The following MBNL2 variants were observed in gnomAD, a reference collection of about 807,000 sequenced individuals.
The protein encoded by MBNL2 is muscleblind like splicing regulator 2.
A neutral mutation model predicts 41.9 loss-of-function variants in MBNL2; 17 were observed. The observed-to-expected ratio is 0.41, with a 90% confidence interval of 0.28 to 0.61. The LOEUF (loss-of-function observed/expected upper bound fraction) is 0.61, where lower values mean the gene tolerates loss of function less well. Ranked by LOEUF, MBNL2 falls within the 20% of genes least tolerant of loss-of-function variation. The pLI is 0.35. For synonymous variants in MBNL2, 195 were observed against 182.9 expected, an observed-to-expected ratio of 1.07 and a Z score of -0.53; for missense variants, 336 against 505.6, an observed-to-expected ratio of 0.66 and a Z score of 3.22.
chr13:97,298,848 CT>C lies in MBNL2; in HGVS notation c.174+22441del, dbSNP rs1305131407. On this transcript the variant is annotated intron_variant, in intron 2 of 8. Coordinates refer to ENST00000679496, the MANE Select transcript of MBNL2 (RefSeq NM_001382683.1). ...ACACGGCATTAAGGATTGCTTGTCC[CT>C]TGCAGCTGCAGTGGGCCTTCTGCTA... 3.3e-5 allele frequency among the ~76,000 whole-genome samples: 5 copies of C among 152,284 alleles called. No homozygotes were observed. The South Asian group carries it at 6.2e-4, about 19-fold the overall frequency.
At chr13:97,246,449 CAT>C (rs1332545240) in intron 1 of MBNL2, among the ~76,000 whole-genome samples, 6 of 152,104 alleles carry the variant, frequency 3.9e-5, no homozygotes, top group Non-Finnish European at 7.4e-5. Flanking sequence ...GAAAATTTTA[CAT>C]GAGGATAAAG....
Position 97,266,469 on chromosome 13 carries a change from C to T in MBNL2, c.-604-9163C>T, listed in dbSNP as rs987358120. Among the ~76,000 whole-genome samples the T allele has an allele frequency of 4.6e-5, 7 of 152,292 alleles. No individual in the cohort carries two copies. The East Asian group carries it at 1.2e-3, about 25-fold the overall frequency. ...AGGCCCCAGTTAGGAGCCTCTTCTC[C>T]GAGGCTGTGATTACAGGGCAGTCTT... On this transcript the variant is annotated intron_variant, in intron 1 of 8. Transcript: ENST00000679496.
At chr13:97,175,292 A>G in the MBNL2 span, among the ~76,000 whole-genome samples, 1 of 151,854 alleles carries the variant, frequency 6.6e-6, no homozygotes, top group African/African-American at 2.4e-5. Context: ...ACCCACTCCT[A>G]CTTCTTCCCC....
At chr13:97,307,850 G>T (rs1226175072) in intron 2 of MBNL2, among the ~76,000 whole-genome samples, 1 of 152,150 alleles carries the variant, frequency 6.6e-6, no homozygotes, top group Non-Finnish European at 1.5e-5. Flanking sequence ...CTCCTCGAGG[G>T]CACGGATCGT....
At chr13:97,257,373 C>T (rs2047756701) in intron 1 of MBNL2, among the ~76,000 whole-genome samples, 1 of 151,960 alleles carries the variant, frequency 6.6e-6, no homozygotes, top group African/African-American at 2.4e-5. Flanking sequence ...ACAGGTTAGG[C>T]CAGGTTATTA....
intron 8 of MBNL2, among the ~76,000 whole-genome samples, chr13:97,378,196 A>G (rs1203427685): frequency 1.3e-5 from 2 of 152,230 alleles, no homozygotes; most frequent in Non-Finnish European, 2.9e-5. Flanking sequence ...AAATGTTATT[A>G]TGTAATAACA....
chr13:97,212,589 T>G, the MBNL2 span, among the ~76,000 whole-genome samples: 2 of 152,204 alleles, frequency 1.3e-5, no homozygotes, highest in Non-Finnish European at 2.9e-5. Flanking sequence ...CCAGCCTGCC[T>G]GGGGCAAATG....
At chr13:97,149,143 G>A in the MBNL2 span, among the ~76,000 whole-genome samples, 62 of 152,302 alleles carry the variant, frequency 4.1e-4, 1 homozygote, top group African/African-American at 1.5e-3. Context: ...AAACAGAGGG[G>A]AGAGAAAGTG....
At chr13:97,238,015 C>T (rs962995572) in intron 1 of MBNL2, among the ~76,000 whole-genome samples, 2 of 152,054 alleles carry the variant, frequency 1.3e-5, no homozygotes, top group African/African-American at 4.8e-5. Flanking sequence ...GACCTGGACA[C>T]GATCAGCTTA....
At chr13:97,228,942 AAT>A (rs2042027458) in intron 1 of MBNL2, among the ~76,000 whole-genome samples, 1 of 151,794 alleles carries the variant, frequency 6.6e-6, no homozygotes, top group South Asian at 2.1e-4. Flanking sequence ...CAAAAGTAGA[AAT>A]AGTAGTCCTC....
chr13:97,195,237 G>A, the MBNL2 span, among the ~76,000 whole-genome samples: 1 of 152,228 alleles, frequency 6.6e-6, no homozygotes, highest in African/African-American at 2.4e-5. Flanking sequence ...CCTGTGCCTT[G>A]TTCTCGAGAA....
At position 97,356,826 on chromosome 13, in the gene MBNL2, C is replaced by T; in HGVS notation, c.835C>T (p.Pro279Ser). ...TQSTAKAMKR[P>S]LEATVDLAFP... is the part of the protein sequence containing the mutation. ...GTCGACTGCCAAAGCAATGAAGCGA[C>T]CTCTCGAAGCAACTGTAGACCTGGT... is the stretch of plus-strand genomic sequence containing the variant. The change falls in exon 6 of 9, where the codon CCT becomes TCT. Residue 279 changes from proline (P) to serine (S), a missense_variant. Pro to Ser is a moderately conservative substitution (Grantham distance 74). Coordinates refer to ENST00000679496, the MANE Select transcript of MBNL2 (RefSeq NM_001382683.1). 8 of 1,363,080 alleles carry T rather than the reference C, an allele frequency of 5.9e-6. No individual in the cohort carries two copies. The highest frequency in any genetic ancestry group is 7.9e-6 in the Non-Finnish European group (8 of 1,018,152). 84.4% of individuals were successfully genotyped at this position (1,363,080 alleles called of 1,614,324 possible).
At chr13:97,176,272 T>C in the MBNL2 span, among the ~76,000 whole-genome samples, 1 of 152,164 alleles carries the variant, frequency 6.6e-6, no homozygotes, top group Non-Finnish European at 1.5e-5. Flanking sequence ...TGAGGGTGAT[T>C]GATCAAGGAG....
chr13:97,203,358 C>G, the MBNL2 span, among the ~76,000 whole-genome samples: 1 of 152,062 alleles, frequency 6.6e-6, no homozygotes, highest in East Asian at 1.9e-4. Context: ...TGAATAGAGG[C>G]GCAAGTCTTT....
intron 1 of MBNL2, among the ~76,000 whole-genome samples, chr13:97,269,249 A>G (rs2050437273): frequency 6.6e-6 from 1 of 152,210 alleles, no homozygotes; most frequent in Non-Finnish European, 1.5e-5. Flanking sequence ...CACCAGTGAG[A>G]GAGACTTACA....
At chr13:97,243,982 G>T (rs750315788) in intron 1 of MBNL2, among the ~76,000 whole-genome samples, 6 of 152,122 alleles carry the variant, frequency 3.9e-5, no homozygotes, top group South Asian at 2.1e-4. Flanking sequence ...TATCAGAAAG[G>T]CAAGGGGGAA....
intron 2 of MBNL2, among the ~76,000 whole-genome samples, chr13:97,332,098 C>G (rs7338689): frequency 0.61 from 93,034 of 152,120 alleles, 31,089 homozygotes; most frequent in African/African-American, 0.9. Flanking sequence ...TCCTCATTTT[C>G]TGGAATTCTG....
chr13:97,247,339 C>T (rs2045668655), intron 1 of MBNL2, among the ~76,000 whole-genome samples: 1 of 152,162 alleles, frequency 6.6e-6, no homozygotes, highest in Non-Finnish European at 1.5e-5. Flanking sequence ...TAAAAACCAA[C>T]AGGGCACTGG....
rs556841949 is a variant in MBNL2 at position 97,263,565 on chromosome 13, T to C, written c.-604-12067T>C. On this transcript the variant is annotated intron_variant, in intron 1 of 8. Transcript: ENST00000679496. ...GAATTTAATGGACAGGAGTACAGGA[T>C]TTTGATGTCTTGCAATGGACGTGAC... Among the ~76,000 whole-genome samples the C allele has an allele frequency of 2.2e-4, 34 of 152,244 alleles. No homozygotes were observed. In the South Asian group the frequency reaches 6.8e-3, roughly 31 times the overall value.
Sources: allele counts gnomAD v4.1 joint callset (sites outside exome capture counted in the v4.1 genomes callset), GRCh38; gene constraint gnomAD v4.1.1; transcripts MANE v1.5; gene names NCBI Gene and HGNC (gene_info 2026-07-23, HGNC 2026-07-21).